SLC35E4: variants seen among roughly 807,000 people sequenced by gnomAD.
SLC35E4 encodes solute carrier family 35, member E4.
SLC35E4 carries 15 observed loss-of-function variants against 19.3 expected under a neutral mutation model. The ratio of observed to expected loss-of-function variants is 0.78; its 90% CI spans 0.52 to 1.20. The LOEUF (loss-of-function observed/expected upper bound fraction) is 1.20, where lower values mean the gene tolerates loss of function less well. Ranked by LOEUF, SLC35E4 falls within the 50% of genes most tolerant of loss-of-function variation. SLC35E4 has a pLI of 0.00. For missense variants in SLC35E4, 406 were observed against 472.3 expected, an observed-to-expected ratio of 0.86 and a Z score of 1.30; for synonymous variants, 219 against 219.9, an observed-to-expected ratio of 1.00 and a Z score of 0.04.
In SLC35E4 at chr22:30,647,147, C is replaced by T; in HGVS notation, c.*116C>T. On this transcript the variant is annotated 3_prime_UTR_variant, in exon 2 of 2. Coordinates refer to ENST00000343605, the MANE Select transcript of SLC35E4 (RefSeq NM_001001479.4). ...GCATGGTGGCTCACGCCTATAATCC[C>T]AGCACTTCCAGAGTCCGAGGTGGGT... 7.9e-7 allele frequency: 1 copy of T among 1,270,284 alleles called. No individual in the cohort carries two copies. Among genetic ancestry groups the T allele is most frequent in the South Asian group, 1.5e-5 (1 of 64,678 alleles). 78.7% of individuals were successfully genotyped at this position (1,270,284 alleles called of 1,614,324 possible).
chr22:30,641,343 C>A (rs955534470), intron 1 of SLC35E4, among the ~76,000 whole-genome samples: 2 of 152,146 alleles, frequency 1.3e-5, no homozygotes, highest in Non-Finnish European at 2.9e-5. Flanking sequence ...TAACTCCTGA[C>A]CCCTGGGAGG....
At chr22:30,655,002 G>A (rs1026950402) in intron 2 of SLC35E4, among the ~76,000 whole-genome samples, 5 of 152,118 alleles carry the variant, frequency 3.3e-5, no homozygotes, top group African/African-American at 9.7e-5. Context: ...GAACCAAGAC[G>A]ACCTTGTGCA....
chr22:30,636,393 G>T lies in SLC35E4; in HGVS notation c.-58G>T. The T allele has an allele frequency of 7.0e-7, 1 of 1,438,086 alleles. No homozygotes were observed. The highest frequency in any genetic ancestry group is 1.5e-5 in the South Asian group (1 of 68,856). 89.1% of individuals were successfully genotyped at this position (1,438,086 alleles called of 1,614,324 possible). ...AGCCTGGCCCCAAGCGGAACTCTCT[G>T]GTGGCCCAGAGGTCGTCACTGGGGA... On this transcript the variant is annotated 5_prime_UTR_variant, in exon 1 of 2. Coordinates refer to ENST00000343605, the MANE Select transcript of SLC35E4 (RefSeq NM_001001479.4).
At chr22:30,655,464 A>C (rs5994330) in intron 2 of SLC35E4, among the ~76,000 whole-genome samples, 4,112 of 148,396 alleles carry the variant, frequency 0.028, 82 homozygotes, top group African/African-American at 0.04. Context: ...AGAAAAAAAG[A>C]AGCCACTAGC....
chr22:30,636,940 T>C lies in SLC35E4; in HGVS notation c.490T>C (p.Leu164=), dbSNP rs766916608. 23 of 1,612,064 alleles carry C rather than the reference T, an allele frequency of 1.4e-5. No individual in the cohort carries two copies. The highest frequency in any genetic ancestry group is 1.8e-5 in the Non-Finnish European group (21 of 1,179,354). The change falls in exon 1 of 2, where the codon TTG becomes CTG. Residue 164 remains leucine, a synonymous_variant. Transcript: ENST00000343605. ...GGGCCGCCGCCACCACCCACTTCAG[T>C]TGGCCGCCATGGGTCCGCTCTGCCT... The part of the protein sequence containing the change: ...LLGRRHHPLQ[L]AAMGPLCLGA...
At chr22:30,641,145 C>T (rs972438318) in intron 1 of SLC35E4, among the ~76,000 whole-genome samples, 5 of 152,254 alleles carry the variant, frequency 3.3e-5, no homozygotes, top group Non-Finnish European at 7.3e-5. Flanking sequence ...AGGTCCTAAC[C>T]TCAAGGCCCA....
chr22:30,643,111 G>A (rs187653347), intron 1 of SLC35E4, among the ~76,000 whole-genome samples: 1 of 152,112 alleles, frequency 6.6e-6, no homozygotes, highest in Non-Finnish European at 1.5e-5. Context: ...TCCTTCTTGG[G>A]CCAGTTGTAG....
chr22:30,646,498 T>G, intron 1 of SLC35E4, 100 bp from the exon 2 acceptor site: 1 of 1,371,206 alleles, frequency 7.3e-7, no homozygotes. Context: ...GCCCGAGGGG[T>G]CCGGGTAGGC....
At chr22:30,645,877 G>A (rs1460454015) in intron 1 of SLC35E4, among the ~76,000 whole-genome samples, 2 of 149,048 alleles carry the variant, frequency 1.3e-5, no homozygotes, top group Non-Finnish European at 3.0e-5. Context: ...CTGGAGTGCA[G>A]TGGTGCAATT....
At chr22:30,658,915 C>A (rs1026123143) in intron 2 of SLC35E4, among the ~76,000 whole-genome samples, 1 of 151,924 alleles carries the variant, frequency 6.6e-6, no homozygotes, top group African/African-American at 2.4e-5. Flanking sequence ...GAGGCTGAGG[C>A]GGGTGGATCA....
chr22:30,654,633 G>T, intron 2 of SLC35E4: 2 of 455,320 alleles, frequency 4.4e-6, no homozygotes. Context: ...GGGAAGGGTT[G>T]CTGTTCATCC....
chr22:30,651,371 TTGTGTGTGTG>T (rs1555899346), downstream of SLC35E4, among the ~76,000 whole-genome samples: 25 of 41,226 alleles, frequency 6.1e-4, no homozygotes, highest in South Asian at 1.4e-3. Flanking sequence ...TGGCTAATTT[TTGTGTGTGTG>T]TGTGTGTGTG....
chr22:30,647,799 G>A lies in SLC35E4; in HGVS notation c.*768G>A, dbSNP rs1452419344. On this transcript the variant is annotated 3_prime_UTR_variant, in exon 2 of 2. Coordinates refer to ENST00000343605, the MANE Select transcript of SLC35E4 (RefSeq NM_001001479.4). ...TGCTGGGCTCCCCTAGGGAGTTGGG[G>A]TAGTCTGTGCCAACTCCAGGCAGCT... 1 of 152,142 alleles carries A rather than the reference G, an allele frequency of 6.6e-6. No homozygotes were observed. The highest frequency in any genetic ancestry group is 6.5e-5 in the Admixed American group (1 of 15,286). The allele number at this position is 152,142 out of a possible 1,614,324, so 9.4% of individuals were successfully genotyped here.
At position 30,646,837 on chromosome 22, in the gene SLC35E4, CTGGGCAACCTCACCGTGG is replaced by C. The variant is rs1479111719; in HGVS notation, c.872_889del (p.Thr291_Leu296del). 2 of 1,614,130 alleles carry C rather than the reference CTGGGCAACCTCACCGTGG, an allele frequency of 1.2e-6. No individual in the cohort carries two copies. Among genetic ancestry groups the C allele is most frequent in the African/African-American group, 2.7e-5 (2 of 74,954 alleles). ...CACCTCTGCCCTCACCGTCCACGTC[CTGGGCAACCTCACCGTGG>C]TGGGCAACCTCATCCTGTCCCGGCT... is the stretch of plus-strand genomic sequence containing the variant. On this transcript the variant is annotated inframe_deletion, in exon 2 of 2. Coordinates refer to ENST00000343605, the MANE Select transcript of SLC35E4 (RefSeq NM_001001479.4).
downstream of SLC35E4, chr22:30,663,949 C>G: frequency 6.2e-7 from 1 of 1,614,160 alleles, no homozygotes; most frequent in Non-Finnish European, 8.5e-7. Context: ...TGCGAGAGGC[C>G]GCTGACTGAG....
chr22:30,661,180 A>T (rs1186564865), intron 2 of SLC35E4, among the ~76,000 whole-genome samples: 1 of 152,156 alleles, frequency 6.6e-6, no homozygotes, highest in Non-Finnish European at 1.5e-5. Context: ...GCAATTGGAA[A>T]AAAAATCTAC....
downstream of SLC35E4, among the ~76,000 whole-genome samples, chr22:30,664,411 A>C (rs1362274983): frequency 6.6e-6 from 1 of 152,198 alleles, no homozygotes; most frequent in Non-Finnish European, 1.5e-5. Flanking sequence ...AGTTGGGCAG[A>C]TGACTTGTGT....
chr22:30,654,140 C>T (rs1001046748), intron 2 of SLC35E4: 11 of 232,494 alleles, frequency 4.7e-5, no homozygotes, highest in Non-Finnish European at 6.8e-5. Context: ...CCACCACGCC[C>T]GGCTATTTTT....
At chr22:30,651,232 G>A (rs1048075486), downstream of SLC35E4, among the ~76,000 whole-genome samples, 1 of 150,108 alleles carries the variant, frequency 6.7e-6, no homozygotes, top group Non-Finnish European at 1.5e-5. Context: ...ACAGAGTTTC[G>A]CTCTGTCGCC....
Sources: gnomAD v4.1 joint callset for allele counts (sites outside exome capture counted in the v4.1 genomes callset) on GRCh38, gnomAD v4.1.1 for gene constraint, MANE v1.5 for transcripts, NCBI Gene and HGNC (gene_info 2026-07-23, HGNC 2026-07-21) for gene names.